Variants in TTC34 observed in about 807,000 individuals in gnomAD.
TTC34 encodes tetratricopeptide repeat domain 34.
TTC34 carries 44 observed loss-of-function variants against 40.7 expected under a neutral mutation model. The ratio of observed to expected loss-of-function variants is 1.08; its 90% CI spans 0.85 to 1.39. The LOEUF (loss-of-function observed/expected upper bound fraction) is 1.39. Ranked by LOEUF, TTC34 falls within the 40% of genes most tolerant of loss-of-function variation. The pLI is 0.00. For synonymous variants in TTC34, 422 were observed against 398.6 expected, an observed-to-expected ratio of 1.06 and a Z score of -0.70; for missense variants, 884 against 838.0, an observed-to-expected ratio of 1.05 and a Z score of -0.68.
chr1:2,673,458 C>T (rs1358414476), intron 6 of TTC34, among the ~76,000 whole-genome samples: 2 of 79,900 alleles, frequency 2.5e-5, no homozygotes, highest in Non-Finnish European at 6.0e-5. Flanking sequence ...ATCTGACAGC[C>T]TGGAACAGAA....
intron 6 of TTC34, among the ~76,000 whole-genome samples, chr1:2,683,545 A>G (rs1640178078): frequency 6.8e-6 from 1 of 146,138 alleles, no homozygotes; most frequent in East Asian, 2.0e-4. Context: ...CTGGAGCAGC[A>G]CCCACAACCA....
intron 6 of TTC34, among the ~76,000 whole-genome samples, chr1:2,755,714 G>A (rs1375476468): frequency 5.3e-5 from 1 of 18,888 alleles, no homozygotes; most frequent in Non-Finnish European, 9.9e-5. Context: ...CCACAGGTGA[G>A]CATCCGACAG....
intron 6 of TTC34, among the ~76,000 whole-genome samples, chr1:2,690,666 G>GTGAGAATCTGACAGCCTGGAAGAGA (rs1640576922): frequency 1.1e-5 from 1 of 88,936 alleles, no homozygotes; most frequent in Non-Finnish European, 2.8e-5. Context: ...ACACCCCCAG[G>GTGAGAATCTGACAGCCTGGAAGAGA]TGAGAATCTG....
At chr1:2,750,131 T>A (rs1641267101) in intron 6 of TTC34, among the ~76,000 whole-genome samples, 2 of 144,694 alleles carry the variant, frequency 1.4e-5, no homozygotes, top group Admixed American at 6.9e-5. Flanking sequence ...CACACCCAGG[T>A]GAGCATCCGA....
At chr1:2,652,019 GAC>G (rs1221066458) in intron 6 of TTC34, among the ~76,000 whole-genome samples, 12 of 20,988 alleles carry the variant, frequency 5.7e-4, no homozygotes, top group African/African-American at 1.0e-3. Flanking sequence ...GTGAGCACCT[GAC>G]ATCGTGGAGC....
intron 6 of TTC34, among the ~76,000 whole-genome samples, chr1:2,772,991 T>C (rs1642512679): frequency 6.7e-6 from 1 of 149,366 alleles, no homozygotes; most frequent in African/African-American, 2.5e-5. Flanking sequence ...CAGGCGAGCA[T>C]CTGACAGCCT....
At chr1:2,696,097 C>G (rs1170767485) in intron 6 of TTC34, among the ~76,000 whole-genome samples, 13 of 115,106 alleles carry the variant, frequency 1.1e-4, no homozygotes, top group East Asian at 2.6e-4. Context: ...CATCTGACAG[C>G]CTGGAACAGG....
intron 6 of TTC34, among the ~76,000 whole-genome samples, chr1:2,653,761 C>T (rs796884692): frequency 1.1e-3 from 159 of 143,030 alleles, no homozygotes; most frequent in Admixed American, 1.8e-3. Flanking sequence ...TCTGGAGCAG[C>T]GCCCACACCC....
chr1:2,756,021 A>G (rs1297525140), intron 6 of TTC34, among the ~76,000 whole-genome samples: 1 of 84,894 alleles, frequency 1.2e-5, no homozygotes, highest in Non-Finnish European at 2.1e-5. Flanking sequence ...AACAGCACAC[A>G]CACCCCCAGG....
At chr1:2,684,568 C>T (rs1385817379) in intron 6 of TTC34, among the ~76,000 whole-genome samples, 2 of 141,494 alleles carry the variant, frequency 1.4e-5, no homozygotes, top group African/African-American at 5.8e-5. Context: ...CCCAGGTGAG[C>T]ATCCGATAGC....
chr1:2,755,534 T>C (rs1410287752), intron 6 of TTC34, among the ~76,000 whole-genome samples: 761 of 33,448 alleles, frequency 0.023, no homozygotes, highest in Middle Eastern at 0.037. Flanking sequence ...CCTGGAACAG[T>C]ACCCACACCC....
chr1:2,647,341 G>T (rs1639038545), intron 6 of TTC34, among the ~76,000 whole-genome samples: 1 of 152,018 alleles, frequency 6.6e-6, no homozygotes, highest in South Asian at 2.1e-4. Flanking sequence ...AAGTTTTTTA[G>T]AGGCCAGGTG....
chr1:2,652,069 GA>G (rs1639154992), intron 6 of TTC34, among the ~76,000 whole-genome samples: 4 of 86,878 alleles, frequency 4.6e-5, no homozygotes, highest in South Asian at 4.1e-4. Flanking sequence ...TGACAGCCTG[GA>G]GGAGCACCCA....
rs1339132622 is a variant in TTC34, at chr1:2,681,988, C to G, written c.2227-36425G>C. On this transcript the variant is annotated intron_variant, in intron 6 of 8. Coordinates refer to ENST00000401095, the Ensembl canonical transcript of TTC34. ...ACGGCCTGGAACAGCACCCACACCC[C>G]CAGGTGAGCATCAGACAGCCTGGAA... Among the ~76,000 whole-genome samples the G allele has an allele frequency of 1.2e-4, 15 of 124,252 alleles. 2 individuals carry two copies. Among genetic ancestry groups the G allele is most frequent in the Admixed American group, 1.1e-3 (14 of 12,962 alleles). The allele number at this position is 124,252 out of a possible 152,430, so 81.5% of individuals were successfully genotyped here. A position where few individuals can be genotyped will look rare whatever the true frequency, so the allele number is the denominator to read the frequency against.
rs1393350368 is a variant in TTC34 at position 2,641,787 on chromosome 1, G to A, written c.2821C>T (p.Arg941Cys). 20 of 1,535,058 alleles carry A rather than the reference G, an allele frequency of 1.3e-5. No homozygotes were observed. The highest frequency in any genetic ancestry group is 5.5e-5 in the African/African-American group (4 of 73,036). The change falls in exon 9 of 9, where the codon CGT (arginine) becomes TGT (cysteine). Residue 941 changes from arginine (R) to cysteine (C), a missense_variant. Coordinates refer to ENST00000401095, the Ensembl canonical transcript of TTC34. ...TCGGCCAGGCAGGTGGCCCGCAGAC[G>A]CAGGTGACAGGCACTGCTGCCACTG...
intron 6 of TTC34, among the ~76,000 whole-genome samples, chr1:2,646,348 A>G (rs1301190478): frequency 6.6e-6 from 1 of 152,176 alleles, no homozygotes. Context: ...ACACTGAGCG[A>G]TGCATTTCCT....
In TTC34 at chr1:2,751,356, G is replaced by C. The variant is rs1419156364; in HGVS notation, c.2226+32253C>G. On this transcript the variant is annotated intron_variant, in intron 6 of 8. Coordinates refer to ENST00000401095, the Ensembl canonical transcript of TTC34. ...AGGCGAGCATCTGACAGCCTGGGTC[G>C]GCACCCACACCCCCAGGTGCGCATC... Among the ~76,000 whole-genome samples, 120 of 75,112 alleles carry C rather than the reference G, an allele frequency of 1.6e-3. 2 individuals are homozygous for C. The highest frequency in any genetic ancestry group is 0.014 in the Middle Eastern group (1 of 74). 49.3% of individuals were successfully genotyped at this position (75,112 alleles called of 152,430 possible). A position where few individuals can be genotyped will look rare whatever the true frequency, so the allele number is the denominator to read the frequency against.
intron 6 of TTC34, among the ~76,000 whole-genome samples, chr1:2,752,770 ATACGCCCAGATAAGCATGTGACAGC>A (rs1641366447): frequency 1.1e-5 from 1 of 91,150 alleles, no homozygotes; most frequent in Non-Finnish European, 2.1e-5. Flanking sequence ...AACAGCACCC[ATACGCCCAGATAAGCATGTGACAGC>A]CTGGAACAGC....
intron 6 of TTC34, among the ~76,000 whole-genome samples, chr1:2,687,917 G>C (rs1407304444): frequency 4.3e-5 from 6 of 138,734 alleles, no homozygotes; most frequent in Admixed American, 7.4e-5. Flanking sequence ...GACTGGAACA[G>C]CACCCACACG....
Sources: allele counts gnomAD v4.1 joint callset (sites outside exome capture counted in the v4.1 genomes callset), GRCh38; gene constraint gnomAD v4.1.1; transcripts MANE v1.5; gene names NCBI Gene and HGNC (gene_info 2026-07-23, HGNC 2026-07-21).